Variants in NPFFR2 observed in about 807,000 individuals in gnomAD.
NPFFR2 encodes the protein G-protein coupled receptor 74.
NPFFR2 carries 15 observed loss-of-function variants against 13.1 expected under a neutral mutation model. That is an observed-to-expected ratio of 1.15 (90% CI 0.77 to 1.76). The LOEUF (loss-of-function observed/expected upper bound fraction) is 1.76, where lower values mean the gene tolerates loss of function less well. Among genes scored for constraint, NPFFR2 ranks in the 40% most tolerant of loss-of-function variants. The pLI is 0.00. For synonymous variants in NPFFR2, 190 were observed against 175.7 expected, an observed-to-expected ratio of 1.08 and a Z score of -0.65; for missense variants, 572 against 503.5, an observed-to-expected ratio of 1.14 and a Z score of -1.30.
chr4:72,086,179 G>A (rs899178400), intron 1 of NPFFR2, among the ~76,000 whole-genome samples: 2 of 152,058 alleles, frequency 1.3e-5, no homozygotes, highest in African/African-American at 4.8e-5. Flanking sequence ...GATTAATGCA[G>A]CAATCATTGC....
chr4:72,032,132 C>A lies in NPFFR2; in HGVS notation c.-76C>A. On this transcript the variant is annotated 5_prime_UTR_variant, in exon 1 of 4. Transcript: ENST00000308744. ...AAAGTAGCTGGAGCCGGAGCAGGGA[C>A]AGAACCTGTTGCTGCAGACGGGCTT... 1 of 1,614,110 alleles carries A rather than the reference C, an allele frequency of 6.2e-7. No individual in the cohort carries two copies. The highest frequency in any genetic ancestry group is 8.5e-7 in the Non-Finnish European group (1 of 1,179,986).
intron 2 of NPFFR2, among the ~76,000 whole-genome samples, chr4:72,137,108 A>G (rs1215517963): frequency 6.6e-6 from 1 of 152,154 alleles, no homozygotes; most frequent in Non-Finnish European, 1.5e-5. Context: ...GTTTCCACTC[A>G]CTAGAGTCAC....
Position 72,130,553 on chromosome 4 carries a change from T to C in NPFFR2, c.328+1634T>C, listed in dbSNP as rs72857456. On this transcript the variant is annotated intron_variant, in intron 2 of 3. Transcript: ENST00000308744. ...TGTGATGTTTATCATTAAAAAAAAA[T>C]TTTATTGAGGTTGTGATGAAAGGAC... 8.0e-4 allele frequency among the ~76,000 whole-genome samples: 122 copies of C among 152,054 alleles called. 2 individuals carry two copies. Among genetic ancestry groups the C allele is most frequent in the African/African-American group, 2.8e-3 (118 of 41,462 alleles).
chr4:72,032,238 T>C, intron 1 of NPFFR2, 38 bp downstream of exon 1: 2 of 1,547,720 alleles, frequency 1.3e-6, no homozygotes, highest in Non-Finnish European at 1.7e-6. Flanking sequence ...GGCCCCCGCT[T>C]GGGGGCGCGA....
At chr4:72,105,652 CAA>C (rs929546224) in intron 1 of NPFFR2, among the ~76,000 whole-genome samples, 10 of 152,046 alleles carry the variant, frequency 6.6e-5, no homozygotes, top group East Asian at 1.9e-4. Flanking sequence ...TATAACAGAT[CAA>C]GAGTCACCAT....
chr4:72,093,587 C>G (rs1282736851), intron 1 of NPFFR2, among the ~76,000 whole-genome samples: 1 of 151,838 alleles, frequency 6.6e-6, no homozygotes, highest in East Asian at 1.9e-4. Context: ...GGTGTTTGAG[C>G]TCTGAATTTC....
intron 1 of NPFFR2, among the ~76,000 whole-genome samples, chr4:72,035,423 C>T (rs999983298): frequency 1.3e-5 from 2 of 152,198 alleles, no homozygotes; most frequent in East Asian, 1.9e-4. Context: ...TAGTATTCAC[C>T]AGAGACCAGG....
intron 1 of NPFFR2, among the ~76,000 whole-genome samples, chr4:72,112,836 C>T (rs1276569540): frequency 6.6e-6 from 1 of 151,890 alleles, no homozygotes; most frequent in Non-Finnish European, 1.5e-5. Flanking sequence ...GAATTTACCC[C>T]TCTCAGGAGA....
intron 1 of NPFFR2, among the ~76,000 whole-genome samples, chr4:72,072,624 GAGA>G (rs1441282823): frequency 6.6e-6 from 1 of 152,126 alleles, no homozygotes; most frequent in Non-Finnish European, 1.5e-5. Context: ...CAGGGGGGAA[GAGA>G]AGGAGGAAGA....
intron 1 of NPFFR2, among the ~76,000 whole-genome samples, chr4:72,110,156 C>T (rs972962994): frequency 2.0e-5 from 3 of 151,888 alleles, no homozygotes; most frequent in Admixed American, 2.0e-4. Context: ...GGGGTGGTTA[C>T]CCCCATGCTG....
chr4:72,129,049 C>A, intron 2 of NPFFR2, 130 bp downstream of exon 2: 1 of 664,162 alleles, frequency 1.5e-6, no homozygotes. Flanking sequence ...CTGATCCAGG[C>A]ACCTGCCCTC....
chr4:72,138,022 G>A lies in NPFFR2; in HGVS notation c.329-18G>A, dbSNP rs1722470669. ...TGAAAATATGATCTTTTGAAAGACT[G>A]TTTCATTTTCCTTTCAGGATGGCCA... On this transcript the variant is annotated intron_variant, in intron 2 of 3. Transcript: ENST00000308744. 2 of 1,574,366 alleles carry A rather than the reference G, an allele frequency of 1.3e-6. No homozygotes were observed. Among genetic ancestry groups the A allele is most frequent in the Admixed American group, 3.4e-5 (2 of 59,204 alleles).
chr4:72,049,296 G>C (rs1238532676), intron 1 of NPFFR2, among the ~76,000 whole-genome samples: 1 of 152,004 alleles, frequency 6.6e-6, no homozygotes, highest in Non-Finnish European at 1.5e-5. Flanking sequence ...TGTGTCTTTG[G>C]TTGTCTTTTG....
At chr4:72,134,451 C>T (rs1343151358) in intron 2 of NPFFR2, among the ~76,000 whole-genome samples, 1 of 152,078 alleles carries the variant, frequency 6.6e-6, no homozygotes, top group Non-Finnish European at 1.5e-5. Flanking sequence ...ACCACATCAG[C>T]ACAAACATAC....
In NPFFR2 at chr4:72,128,669, G is replaced by A; in HGVS notation, c.78G>A (p.Leu26=). 6.2e-7 allele frequency: 1 copy of A among 1,613,724 alleles called. No individual in the cohort carries two copies. The highest frequency in any genetic ancestry group is 8.5e-7 in the Non-Finnish European group (1 of 1,179,638). Residue 26 remains leucine (L), a synonymous_variant, in exon 2 of 4, where the codon CTG becomes CTA. Coordinates refer to ENST00000308744, the MANE Select transcript of NPFFR2 (RefSeq NM_004885.3). ...ATGTCAATGACACAAAGCATCATCT[G>A]TACTCAGATATTAATATTACCTATG... is the stretch of plus-strand genomic sequence containing the variant. ...IWNVNDTKHH[L]YSDINITYVN... is the part of the protein sequence containing the mutation.
chr4:72,066,484 G>T (rs1720075826), intron 1 of NPFFR2, among the ~76,000 whole-genome samples: 1 of 152,020 alleles, frequency 6.6e-6, no homozygotes, highest in Non-Finnish European at 1.5e-5. Context: ...AAAGTCCAAA[G>T]TCTCATTTAA....
intron 3 of NPFFR2, among the ~76,000 whole-genome samples, chr4:72,141,998 C>A (rs1414347456): frequency 2.0e-5 from 3 of 152,130 alleles, no homozygotes; most frequent in Non-Finnish European, 4.4e-5. Context: ...GAATTGATCC[C>A]TTTACCATTA....
chr4:72,140,099 A>G (rs1252046907), intron 3 of NPFFR2, among the ~76,000 whole-genome samples: 4 of 152,118 alleles, frequency 2.6e-5, no homozygotes, highest in Non-Finnish European at 4.4e-5. Context: ...ATTTTTGCAC[A>G]TTGATTTTGT....
chr4:72,080,240 C>T (rs2109792178), intron 1 of NPFFR2, among the ~76,000 whole-genome samples: 2 of 152,026 alleles, frequency 1.3e-5, no homozygotes, highest in South Asian at 4.2e-4. Flanking sequence ...TCTCCGCTCA[C>T]TGCAACCTCC....
Sources: gnomAD v4.1 joint callset for allele counts (sites outside exome capture counted in the v4.1 genomes callset) on GRCh38, gnomAD v4.1.1 for gene constraint, MANE v1.5 for transcripts, NCBI Gene and HGNC (gene_info 2026-07-23, HGNC 2026-07-21) for gene names.